SYMPK: variants seen among roughly 807,000 people sequenced by gnomAD.
The protein encoded by SYMPK is symplekin scaffold protein.
Under a neutral mutation model 136.4 loss-of-function variants are expected in SYMPK, and 49 were observed. That is an observed-to-expected ratio of 0.36 (90% CI 0.29 to 0.46). SYMPK has a LOEUF of 0.46. Ranked by LOEUF, SYMPK falls within the 20% of genes least tolerant of loss-of-function variation. SYMPK has a pLI of 1.00. For synonymous variants in SYMPK, 766 were observed against 713.0 expected, an observed-to-expected ratio of 1.07 and a Z score of -1.19; for missense variants, 1,365 against 1,690.0, an observed-to-expected ratio of 0.81 and a Z score of 3.37.
intron 9 of SYMPK, 122 bp downstream of exon 9, chr19:45,842,128 G>A: frequency 6.9e-7 from 1 of 1,458,794 alleles, no homozygotes; most frequent in Non-Finnish European, 9.3e-7. Flanking sequence ...GAGCCACTGT[G>A]CCTGGCCCAC....
chr19:45,855,662 G>A (rs1227989044), intron 1 of SYMPK: 2 of 152,044 alleles, frequency 1.3e-5, no homozygotes, highest in Admixed American at 6.6e-5. Context: ...AAGCAAAGCT[G>A]AAGACAGTGT....
intron 8 of SYMPK, chr19:45,843,052 G>A (rs1971480492): frequency 6.5e-6 from 1 of 153,466 alleles, no homozygotes; most frequent in African/African-American, 2.4e-5. Flanking sequence ...CCTGGGGCCA[G>A]TGAGAATACC....
chr19:45,815,987 G>T lies in SYMPK; in HGVS notation c.3551C>A (p.Pro1184Gln), dbSNP rs143595032. The T allele has an allele frequency of 1.9e-6, 3 of 1,607,730 alleles. No individual in the cohort carries two copies. The highest frequency in any genetic ancestry group is 2.5e-6 in the Non-Finnish European group (3 of 1,177,796). Residue 1184 changes from proline (P) to glutamine (Q), a missense_variant, in exon 26 of 27, where the codon CCG (proline) becomes CAG (glutamine). By Grantham distance (76) the Pro-to-Gln change is moderately conservative. This residue lies in a region of SYMPK where 341 missense variants were observed against 270.5 expected (regional missense o/e 1.26). Transcript: ENST00000245934. ...CCGGAAATCCATGGCTTCCTCAGAC[G>T]GGGGCGGGCCTGGCCGGGCCGACGG... ...PSPSARPGPP[P>Q]SEEAMDFREE...
chr19:45,822,776 CG>C lies in SYMPK; in HGVS notation c.2770del (p.Arg924AlafsTer17). On this transcript the variant is annotated frameshift_variant, in exon 21 of 27. Transcript: ENST00000245934. LOFTEE classifies it high-confidence loss of function. ...NPIVVKEVFN[R>X]LLGTQHGEGN... is the part of the protein sequence containing the mutation. ...CCTACCATGCTGGGTGCCCAGCAGG[CG>C]GTTGAAGACTTCCTTCACCACGATG... is the stretch of plus-strand genomic sequence containing the variant. 1 of 1,613,878 alleles carries C rather than the reference CG, an allele frequency of 6.2e-7. No individual in the cohort carries two copies. The highest frequency in any genetic ancestry group is 8.5e-7 in the Non-Finnish European group (1 of 1,179,882).
intron 12 of SYMPK, chr19:45,831,159 A>T (rs1173621262): frequency 2.7e-6 from 1 of 372,444 alleles, no homozygotes; most frequent in Non-Finnish European, 4.6e-6. Flanking sequence ...AATTTTAGAC[A>T]TAAAAAAGGA....
At chr19:45,820,842 A>G in intron 22 of SYMPK, 1 of 439,116 alleles carries the variant, frequency 2.3e-6, no homozygotes, top group Non-Finnish European at 4.0e-6. Flanking sequence ...ATACCCACCA[A>G]GTGGCGGACC....
intron 10 of SYMPK, 37 bp from the exon 11 acceptor site, chr19:45,835,265 A>G (rs1971276259): frequency 2.0e-6 from 3 of 1,533,796 alleles, no homozygotes; most frequent in Admixed American, 2.0e-5. Flanking sequence ...CTCCTTAATC[A>G]TTAACTCAAG....
In SYMPK at chr19:45,826,338, C is replaced by T; in HGVS notation, c.2217G>A (p.Met739Ile). Residue 739 changes from methionine to isoleucine, a missense_variant, in exon 17 of 27, where the codon ATG becomes ATA. Physicochemically the swap from Met to Ile is conservative, Grantham distance 10 (BLOSUM62 1). This residue lies in a region of SYMPK where 303 missense variants were observed against 326.6 expected (regional missense o/e 0.93). Coordinates refer to ENST00000245934, the MANE Select transcript of SYMPK (RefSeq NM_004819.3). ...RSQALLFIKR[M>I]YEKEQLREYV... ...ACTCCCGCAGCTGCTCCTTCTCATA[C>T]ATGCGTTTGATGAACAGCAGGGCCT... The T allele has an allele frequency of 1.2e-6, 2 of 1,614,178 alleles. No individual in the cohort carries two copies. Among genetic ancestry groups the T allele is most frequent in the Non-Finnish European group, 1.7e-6 (2 of 1,180,028 alleles).
chr19:45,816,667 A>T, intron 24 of SYMPK, 90 bp from the exon 25 acceptor site: 1 of 1,563,840 alleles, frequency 6.4e-7, no homozygotes, highest in South Asian at 1.2e-5. Context: ...CTAACCCTCC[A>T]GAACTCCCAG....
At chr19:45,833,424 A>AC (rs1971233747) in intron 11 of SYMPK, among the ~76,000 whole-genome samples, 1 of 151,824 alleles carries the variant, frequency 6.6e-6, no homozygotes, top group African/African-American at 2.4e-5. Context: ...ACACGGTGAA[A>AC]CCCCGTCTCT....
At chr19:45,849,675 C>T (rs1020055627) in intron 5 of SYMPK, among the ~76,000 whole-genome samples, 2 of 152,168 alleles carry the variant, frequency 1.3e-5, no homozygotes, top group Admixed American at 6.6e-5. Flanking sequence ...TTTACAAATT[C>T]AGAAAATTTA....
At chr19:45,823,194 C>T (rs753238612) in intron 20 of SYMPK, among the ~76,000 whole-genome samples, 178 bp downstream of exon 20, 3 of 152,326 alleles carry the variant, frequency 2.0e-5, no homozygotes, top group Non-Finnish European at 4.4e-5. Flanking sequence ...GGAGCTGCTC[C>T]GCATTTCCAG....
intron 18 of SYMPK, 194 bp from the exon 19 acceptor site, chr19:45,824,069 A>G: frequency 1.4e-5 from 7 of 514,982 alleles, no homozygotes; most frequent in Non-Finnish European, 2.5e-5. Flanking sequence ...CAGCTCCTCC[A>G]GACATGGGCC....
chr19:45,836,556 G>A (rs576931576), intron 10 of SYMPK, among the ~76,000 whole-genome samples: 93 of 151,760 alleles, frequency 6.1e-4, no homozygotes, highest in African/African-American at 2.0e-3. Flanking sequence ...GCGTGAACCC[G>A]GGAGGCGGAG....
chr19:45,815,581 G>A lies in SYMPK; in HGVS notation c.3804C>T (p.Pro1268=), dbSNP rs1168612782. The A allele has an allele frequency of 3.8e-5, 56 of 1,476,280 alleles. No individual in the cohort carries two copies. The highest frequency in any genetic ancestry group is 4.8e-5 in the African/African-American group (3 of 63,002). The allele number at this position is 1,476,280 out of a possible 1,614,324, so 91.4% of individuals were successfully genotyped here. A position where few individuals can be genotyped will look rare whatever the true frequency, so the allele number is the denominator to read the frequency against. ...PSPAAEDARE[P]EAKGNS is the part of the protein sequence containing the mutation. ...CCCGTCAGCTGTTCCCCTTGGCCTC[G>A]GGTTCCCTGGCGTCCTCGGCAGCCG... The change falls in exon 27 of 27, where the codon CCC becomes CCT. Residue 1268 remains proline, a synonymous_variant. Coordinates refer to ENST00000245934, the MANE Select transcript of SYMPK (RefSeq NM_004819.3).
At chr19:45,858,398 C>A (rs1055223957) in intron 1 of SYMPK, among the ~76,000 whole-genome samples, 1 of 152,210 alleles carries the variant, frequency 6.6e-6, no homozygotes, top group Non-Finnish European at 1.5e-5. Flanking sequence ...AGACTTTGTG[C>A]CTCTCTTCCG....
At chr19:45,829,906 G>C (rs1971128505) in intron 13 of SYMPK, 148 bp downstream of exon 13, 1 of 874,672 alleles carries the variant, frequency 1.1e-6, no homozygotes, top group Non-Finnish European at 1.7e-6. Context: ...TGGAGGATGG[G>C]AGTGATCTGG....
chr19:45,836,731 TG>T (rs1385184577), intron 10 of SYMPK, among the ~76,000 whole-genome samples: 1 of 152,126 alleles, frequency 6.6e-6, no homozygotes, highest in Non-Finnish European at 1.5e-5. Context: ...CTCAAATTCC[TG>T]GGCTTAAGCA....
chr19:45,851,579 A>G (rs1204885079), intron 5 of SYMPK, among the ~76,000 whole-genome samples: 1 of 107,306 alleles, frequency 9.3e-6, no homozygotes, highest in Non-Finnish European at 2.1e-5. Flanking sequence ...CTCAGTCTCA[A>G]AAAAAAAAAA....
Sources: gnomAD v4.1 joint callset for allele counts (sites outside exome capture counted in the v4.1 genomes callset) on GRCh38, gnomAD v4.1.1 for gene constraint, gnomAD v4.1.1 regional missense constraint, MANE v1.5 for transcripts, NCBI Gene and HGNC (gene_info 2026-07-23, HGNC 2026-07-21) for gene names.